ABCG2: variants seen among roughly 807,000 people sequenced by gnomAD.
ABCG2 encodes the protein ATP binding cassette subfamily G member 2 (JR blood group).
A neutral mutation model predicts 73.5 loss-of-function variants in ABCG2; 80 were observed. The ratio of observed to expected loss-of-function variants is 1.09; its 90% CI spans 0.91 to 1.31. ABCG2 has a LOEUF of 1.31. Among genes scored for constraint, ABCG2 ranks in the 50% most tolerant of loss-of-function variants. The pLI is 0.00. For missense variants in ABCG2, 796 were observed against 786.2 expected, an observed-to-expected ratio of 1.01 and a Z score of -0.15; for synonymous variants, 269 against 282.4, an observed-to-expected ratio of 0.95 and a Z score of 0.48.
chr4:88,208,450 C>T (rs907765317), intron 1 of ABCG2, among the ~76,000 whole-genome samples: 1 of 152,200 alleles, frequency 6.6e-6, no homozygotes, highest in Admixed American at 6.5e-5. Flanking sequence ...GCCCAGGGAA[C>T]TCTACTAGAG....
chr4:88,114,889 C>T, intron 8 of ABCG2, 68 bp downstream of exon 8: 5 of 1,008,700 alleles, frequency 5.0e-6, no homozygotes, highest in African/African-American at 1.6e-5. Flanking sequence ...TTTTAATTAG[C>T]CACCACATTG....
intron 1 of ABCG2, among the ~76,000 whole-genome samples, chr4:88,186,078 A>T (rs1412075370): frequency 6.6e-6 from 1 of 152,196 alleles, no homozygotes; most frequent in African/African-American, 2.4e-5. Flanking sequence ...ATATTACAGC[A>T]CTATTCAGAA....
intron 1 of ABCG2, among the ~76,000 whole-genome samples, chr4:88,151,220 A>T (rs1463180108): frequency 1.3e-5 from 2 of 152,162 alleles, no homozygotes; most frequent in African/African-American, 2.4e-5. Flanking sequence ...GCACTGTGGG[A>T]AGATTAGCAG....
At chr4:88,198,108 G>A (rs539609509) in intron 1 of ABCG2, among the ~76,000 whole-genome samples, 2 of 150,172 alleles carry the variant, frequency 1.3e-5, no homozygotes, top group East Asian at 4.0e-4. Flanking sequence ...GAGGTGGGTG[G>A]ATAACCTGAG....
chr4:88,090,533 A>G lies in ABCG2; in HGVS notation c.*1701T>C, dbSNP rs1215399068. 6.6e-6 allele frequency: 1 copy of G among 152,230 alleles called. No homozygotes were observed. The highest frequency in any genetic ancestry group is 1.5e-5 in the Non-Finnish European group (1 of 68,032). 9.4% of individuals were successfully genotyped at this position (152,230 alleles called of 1,614,324 possible). On this transcript the variant is annotated 3_prime_UTR_variant, in exon 16 of 16. Coordinates refer to ENST00000237612, the MANE Select transcript of ABCG2 (RefSeq NM_004827.3). Reference sequence around the variant, plus strand: ...CGCATTAATCAAATGTCATCCAAAAAGAAAAAAGTTCAAAGATAAAAATAT... The same window carrying G: ...CGCATTAATCAAATGTCATCCAAAAGGAAAAAAGTTCAAAGATAAAAATAT...
intron 9 of ABCG2, among the ~76,000 whole-genome samples, chr4:88,112,510 CTAT>C (rs1337194742): frequency 1.8e-4 from 27 of 151,774 alleles, no homozygotes; most frequent in Non-Finnish European, 1.9e-4. Flanking sequence ...ATCTAACATG[CTAT>C]CTATTTAATT....
intron 10 of ABCG2, among the ~76,000 whole-genome samples, chr4:88,105,081 GA>G (rs1306507346): frequency 2.0e-5 from 3 of 152,144 alleles, no homozygotes; most frequent in Non-Finnish European, 4.4e-5. Context: ...AGCAAGTCTG[GA>G]AATAATCCAG....
intron 1 of ABCG2, among the ~76,000 whole-genome samples, chr4:88,147,303 G>A (rs17731799): frequency 5.9e-5 from 9 of 151,898 alleles, no homozygotes; most frequent in South Asian, 4.2e-4. Context: ...TCAAAAAAAC[G>A]TACCTAAACT....
At chr4:88,172,523 G>C (rs1407505128) in intron 1 of ABCG2, among the ~76,000 whole-genome samples, 1 of 147,450 alleles carries the variant, frequency 6.8e-6, no homozygotes. Context: ...AGGTTGCAGT[G>C]AGCCGAGTCA....
intron 10 of ABCG2, 95 bp from the exon 11 acceptor site, chr4:88,101,414 T>C (rs1039217262): frequency 1.9e-5 from 22 of 1,137,700 alleles, no homozygotes; most frequent in Non-Finnish European, 2.7e-5. Context: ...TGACAGTGTA[T>C]AAAGTTAAGC....
At chr4:88,125,692 A>G (rs1048307037) in intron 5 of ABCG2, among the ~76,000 whole-genome samples, 8 of 151,746 alleles carry the variant, frequency 5.3e-5, no homozygotes, top group African/African-American at 1.9e-4. Context: ...TTGGATAAAT[A>G]ATGAAATGAA....
chr4:88,090,440 G>T lies in ABCG2; in HGVS notation c.*1794C>A, dbSNP rs535116458. On this transcript the variant is annotated 3_prime_UTR_variant, in exon 16 of 16. Transcript: ENST00000237612. ...ATGTGAAAAGCAGGAATTATACCAA[G>T]AACAGGAAAAACTGATTAATCTTCC... 1 of 152,132 alleles carries T rather than the reference G, an allele frequency of 6.6e-6. No individual in the cohort carries two copies. The highest frequency in any genetic ancestry group is 2.1e-4 in the South Asian group (1 of 4,824). The allele number at this position is 152,132 out of a possible 1,614,324, so 9.4% of individuals were successfully genotyped here.
At chr4:88,207,632 A>G (rs1436846790) in intron 1 of ABCG2, among the ~76,000 whole-genome samples, 2 of 152,060 alleles carry the variant, frequency 1.3e-5, no homozygotes, top group East Asian at 3.9e-4. Flanking sequence ...GCAGCCTCGA[A>G]CTCCTGCATT....
At chr4:88,208,458 G>C (rs894373669) in intron 1 of ABCG2, among the ~76,000 whole-genome samples, 1 of 152,140 alleles carries the variant, frequency 6.6e-6, no homozygotes, top group African/African-American at 2.4e-5. Flanking sequence ...AACTCTACTA[G>C]AGACTTAGGG....
intron 1 of ABCG2, among the ~76,000 whole-genome samples, chr4:88,170,836 A>G (rs1246467410): frequency 6.6e-6 from 1 of 152,210 alleles, no homozygotes; most frequent in Non-Finnish European, 1.5e-5. Flanking sequence ...AATCTTATCA[A>G]CCTAAATGCC....
At chr4:88,214,912 A>G (rs182964642) in intron 1 of ABCG2, among the ~76,000 whole-genome samples, 81 of 151,864 alleles carry the variant, frequency 5.3e-4, no homozygotes, top group African/African-American at 2.0e-3. Context: ...CGAGAGCCAC[A>G]ATGTCTGGCC....
At position 88,095,617 on chromosome 4, in the gene ABCG2, A is replaced by T. The variant is rs760825584; in HGVS notation, c.1648-8T>A. On this transcript the variant is annotated splice_polypyrimidine_tract_variant and splice_region_variant and intron_variant, in intron 13 of 15. Transcript: ENST00000237612. ...CAACAGACCTGAAAAAATCTACAAA[A>T]AGCAAATACTAAAAGTCAGGCCTGC... is the stretch of plus-strand genomic sequence containing the variant. 3.7e-6 allele frequency: 6 copies of T among 1,612,166 alleles called. No individual in the cohort carries two copies. The East Asian group carries it at 1.3e-4, about 36-fold the overall frequency.
chr4:88,099,971 A>G (rs991288328), intron 11 of ABCG2, among the ~76,000 whole-genome samples: 1 of 152,138 alleles, frequency 6.6e-6, no homozygotes, highest in Non-Finnish European at 1.5e-5. Context: ...TCTTCTTTCA[A>G]TGATCATGTC....
intron 1 of ABCG2, among the ~76,000 whole-genome samples, chr4:88,167,613 G>T (rs1727593907): frequency 6.6e-6 from 1 of 152,062 alleles, no homozygotes; most frequent in African/African-American, 2.4e-5. Context: ...GACCTCAGGT[G>T]ATCCACCCAC....
Sources: gnomAD v4.1 joint callset for allele counts (sites outside exome capture counted in the v4.1 genomes callset) on GRCh38, gnomAD v4.1.1 for gene constraint, MANE v1.5 for transcripts, NCBI Gene and HGNC (gene_info 2026-07-23, HGNC 2026-07-21) for gene names.